The following AGAP1 variants were observed in gnomAD, a reference collection of about 807,000 sequenced individuals.
AGAP1 encodes the protein ArfGAP with GTPase domain, ankyrin repeat and PH domain 1.
A neutral mutation model predicts 105.3 loss-of-function variants in AGAP1; 29 were observed. The observed-to-expected ratio is 0.28, with a 90% confidence interval of 0.21 to 0.38. AGAP1 has a LOEUF of 0.38. AGAP1 is among the 10% of genes least tolerant of loss of function. The pLI is 1.00. For missense variants in AGAP1, 998 were observed against 1,165.1 expected (o/e 0.86, Z 2.09); for synonymous variants, 509 against 485.9 (o/e 1.05, Z -0.63).
At chr2:235,573,002 T>C (rs1436462635) in intron 1 of AGAP1, among the ~76,000 whole-genome samples, 2 of 23,816 alleles carry the variant, frequency 8.4e-5, no homozygotes, top group Admixed American at 5.4e-4. Context: ...TTCTTCTTCT[T>C]CTTCTTCTTC....
At chr2:235,895,738 GAT>G in intron 10 of AGAP1, among the ~76,000 whole-genome samples, 1 of 144,356 alleles carries the variant, frequency 6.9e-6, no homozygotes, top group Non-Finnish European at 1.5e-5. Context: ...TGGATGGATG[GAT>G]GGATGGATGA....
chr2:235,587,341 G>A (rs563559738), intron 1 of AGAP1, among the ~76,000 whole-genome samples: 1 of 152,286 alleles, frequency 6.6e-6, no homozygotes, highest in Admixed American at 6.5e-5. Context: ...CTTTTCAGTT[G>A]CGCATCCTCC....
chr2:235,584,628 A>G (rs1014953224), intron 1 of AGAP1, among the ~76,000 whole-genome samples: 6 of 151,834 alleles, frequency 4.0e-5, no homozygotes, highest in East Asian at 1.9e-4. Flanking sequence ...CCCAGCCTTC[A>G]TAAGGAGCAC....
intron 1 of AGAP1, among the ~76,000 whole-genome samples, chr2:235,539,726 C>T (rs899014682): frequency 1.3e-5 from 2 of 152,128 alleles, no homozygotes; most frequent in South Asian, 2.1e-4. Context: ...AGAGAGGCTT[C>T]GAGGAGAGAC....
Position 235,659,052 on chromosome 2 carries a change from C to T in AGAP1, c.164-50127C>T, listed in dbSNP as rs1250747047. Among the ~76,000 whole-genome samples, 2 of 152,192 alleles carry T rather than the reference C, an allele frequency of 1.3e-5. No homozygotes were observed. The highest frequency in any genetic ancestry group is 3.9e-4 in the East Asian group (2 of 5,172). On this transcript the variant is annotated intron_variant, in intron 1 of 17. Coordinates refer to ENST00000304032, the MANE Select transcript of AGAP1 (RefSeq NM_001037131.3). This position sits in a 1 kb window ranked among gnomAD's most constrained non-coding sequence, Gnocchi z 5.0. ...TTTGAGAGGCCCTCCATTGTTCCCG[C>T]CCTGCCAACTTCCACGCCAGCCTCC...
chr2:235,848,668 T>C (rs1961803944), intron 9 of AGAP1, among the ~76,000 whole-genome samples: 1 of 152,228 alleles, frequency 6.6e-6, no homozygotes, highest in Non-Finnish European at 1.5e-5. Flanking sequence ...GCTGTGTGTG[T>C]TGAAATGTAA....
chr2:235,849,575 C>T (rs896638604), intron 9 of AGAP1, among the ~76,000 whole-genome samples: 4 of 152,114 alleles, frequency 2.6e-5, no homozygotes, highest in African/African-American at 7.2e-5. Flanking sequence ...AGCAGAAGCC[C>T]GGGCCCCCTT....
intron 1 of AGAP1, among the ~76,000 whole-genome samples, chr2:235,619,738 G>C (rs753583062): frequency 3.3e-5 from 5 of 152,238 alleles, no homozygotes; most frequent in African/African-American, 4.8e-5. Flanking sequence ...AGCTGCTGGA[G>C]ATCAGCAACA....
rs896696979 is a variant in AGAP1 at position 235,736,132 on chromosome 2, C to T, written c.311-4831C>T. ...CTGAGATGCGGTCACAGCTGCCCAG[C>T]GACCTGGTTCCACCTTAGGGTCAGG... On this transcript the variant is annotated intron_variant, in intron 3 of 17. Coordinates refer to ENST00000304032, the MANE Select transcript of AGAP1 (RefSeq NM_001037131.3). This position sits in a 1 kb window ranked among gnomAD's most constrained non-coding sequence, Gnocchi z 5.5. Among the ~76,000 whole-genome samples, 3 of 151,596 alleles carry T rather than the reference C, an allele frequency of 2.0e-5. No homozygotes were observed. The highest frequency in any genetic ancestry group is 1.3e-4 in the Admixed American group (2 of 15,192).
rs549844265 is a variant in AGAP1 at position 235,702,934 on chromosome 2, G to GTTTT, written c.164-6236_164-6233dup. Among the ~76,000 whole-genome samples the GTTTT allele has an allele frequency of 1.1e-3, 99 of 88,960 alleles. 10 individuals carry two copies. Among genetic ancestry groups the GTTTT allele is most frequent in the South Asian group, 2.7e-3 (4 of 1,496 alleles). The allele number at this position is 88,960 out of a possible 152,430, so 58.4% of individuals were successfully genotyped here. On this transcript the variant is annotated intron_variant, in intron 1 of 17. Transcript: ENST00000304032. ...TGGTCACTGTGAGCCAGTTTTCTTG[G>GTTTT]TTTTTTTTTTTTGGACAGAGTCTGG... is the stretch of plus-strand genomic sequence containing the variant.
chr2:235,568,262 C>T (rs999352168), intron 1 of AGAP1, among the ~76,000 whole-genome samples: 4 of 152,170 alleles, frequency 2.6e-5, no homozygotes, highest in African/African-American at 4.8e-5. Context: ...AGGGCAAAGG[C>T]GTGCTTGCAG....
intron 11 of AGAP1, among the ~76,000 whole-genome samples, chr2:235,912,524 T>A (rs1430206458): frequency 6.6e-6 from 1 of 152,232 alleles, no homozygotes; most frequent in Admixed American, 6.5e-5. Flanking sequence ...TTCATTTTCT[T>A]AATGCGATTG....
Position 235,882,513 on chromosome 2 carries a change from C to T in AGAP1, c.1051-832C>T. ...TGCCATTTTCTTAAAACAATCGGTA[C>T]CATCCGTGGCGGGCTCTTAGCTCAC... On this transcript the variant is annotated intron_variant, in intron 9 of 17. Transcript: ENST00000304032. The surrounding 1 kb of genome is among the most constrained non-coding windows in gnomAD (Gnocchi z 4.6). The T allele has an allele frequency of 7.1e-7, 1 of 1,401,532 alleles. No individual in the cohort carries two copies. The highest frequency in any genetic ancestry group is 1.0e-6 in the Non-Finnish European group (1 of 1,002,940). The allele number at this position is 1,401,532 out of a possible 1,614,324, so 86.8% of individuals were successfully genotyped here. A position where few individuals can be genotyped will look rare whatever the true frequency, so the allele number is the denominator to read the frequency against.
rs1944464472 is a variant in AGAP1, at chr2:235,569,972, C to T, written c.163+75123C>T. ...TCTAAGGAAAACATGGTGTGACTGG[C>T]CCGGGATCCAAATTATTTGCAGCGC... is the stretch of plus-strand genomic sequence containing the variant. On this transcript the variant is annotated intron_variant, in intron 1 of 17. Transcript: ENST00000304032. The surrounding 1 kb of genome is among the most constrained non-coding windows in gnomAD (Gnocchi z 5.9). Among the ~76,000 whole-genome samples, 1 of 152,172 alleles carries T rather than the reference C, an allele frequency of 6.6e-6. No homozygotes were observed. The highest frequency in any genetic ancestry group is 1.5e-5 in the Non-Finnish European group (1 of 68,036).
intron 3 of AGAP1, among the ~76,000 whole-genome samples, chr2:235,727,157 G>A (rs990970662): frequency 2.0e-5 from 3 of 152,198 alleles, no homozygotes; most frequent in African/African-American, 7.2e-5. Context: ...TGGAGGGGAT[G>A]TTTTGATTGT....
At position 235,931,188 on chromosome 2, in the gene AGAP1, CG is replaced by C. The variant is rs2052704162; in HGVS notation, c.1483+267del. Among the ~76,000 whole-genome samples, 1 of 152,082 alleles carries C rather than the reference CG, an allele frequency of 6.6e-6. No individual in the cohort carries two copies. Among genetic ancestry groups the C allele is most frequent in the Non-Finnish European group, 1.5e-5 (1 of 68,010 alleles). On this transcript the variant is annotated intron_variant, in intron 12 of 17. Coordinates refer to ENST00000304032, the MANE Select transcript of AGAP1 (RefSeq NM_001037131.3). The surrounding 1 kb of genome is among the most constrained non-coding windows in gnomAD (Gnocchi z 5.6). ...CATTTGGTCAGTTTGGAAACTGAGG[CG>C]GCAGACAGGGCAACTGGCTTACCCA... is the stretch of plus-strand genomic sequence containing the variant.
chr2:235,735,985 G>A lies in AGAP1; in HGVS notation c.311-4978G>A, dbSNP rs188054656. 2.6e-3 allele frequency among the ~76,000 whole-genome samples: 403 copies of A among 152,136 alleles called. 3 individuals carry two copies. Among genetic ancestry groups the A allele is most frequent in the South Asian group, 4.0e-3 (19 of 4,792 alleles). ...CAAGCCCAGAAGGGATGCGGGTTCCGTTCTCACCTCCCTCTGCTCTAAGCT... is the reference window on the plus strand; with the variant it reads ...CAAGCCCAGAAGGGATGCGGGTTCCATTCTCACCTCCCTCTGCTCTAAGCT... On this transcript the variant is annotated intron_variant, in intron 3 of 17. Transcript: ENST00000304032.
rs1665150705 is a variant in AGAP1, at chr2:235,620,245, A to G, written c.164-88934A>G. 1.3e-5 allele frequency among the ~76,000 whole-genome samples: 2 copies of G among 152,178 alleles called. No homozygotes were observed. The highest frequency in any genetic ancestry group is 4.8e-5 in the African/African-American group (2 of 41,442). On this transcript the variant is annotated intron_variant, in intron 1 of 17. Coordinates refer to ENST00000304032, the MANE Select transcript of AGAP1 (RefSeq NM_001037131.3). This position sits in a 1 kb window ranked among gnomAD's most constrained non-coding sequence, Gnocchi z 4.5. ...AGTGGCTTCCTGAGCCACCTCAGCC[A>G]TTAGCACCCTGGTCCCGGGCAGCAG... is the stretch of plus-strand genomic sequence containing the variant.
chr2:236,001,843 G>GC lies in AGAP1; in HGVS notation c.1645+33224dup, dbSNP rs1033407407. 6.6e-5 allele frequency among the ~76,000 whole-genome samples: 10 copies of GC among 152,348 alleles called. 1 individual carries two copies. The highest frequency in any genetic ancestry group is 5.2e-4 in the Admixed American group (8 of 15,302). ...GCGTGGTCTCTAATAGGTTATGCCAGCCCCTCTCGTTGGGCATTGAAATTG... is the reference window on the plus strand; with the variant it reads ...GCGTGGTCTCTAATAGGTTATGCCAGCCCCCTCTCGTTGGGCATTGAAATTG... On this transcript the variant is annotated intron_variant, in intron 13 of 17. Transcript: ENST00000304032. This position sits in a 1 kb window ranked among gnomAD's most constrained non-coding sequence, Gnocchi z 4.7.
Sources: gnomAD v4.1 joint callset for allele counts (sites outside exome capture counted in the v4.1 genomes callset) on GRCh38, gnomAD v4.1.1 for gene constraint, Gnocchi (gnomAD v3.1) non-coding constraint, MANE v1.5 for transcripts, NCBI Gene and HGNC (gene_info 2026-07-23, HGNC 2026-07-21) for gene names.